CELF2: variants seen among roughly 807,000 people sequenced by gnomAD.
The protein encoded by CELF2 is CUGBP Elav-like family member 2.
A neutral mutation model predicts 62.6 loss-of-function variants in CELF2; 8 were observed. The observed-to-expected ratio is 0.13, with a 90% confidence interval of 0.07 to 0.23. The LOEUF (loss-of-function observed/expected upper bound fraction) is 0.23, where lower values mean the gene tolerates loss of function less well. Ranked by LOEUF, CELF2 falls within the 10% of genes least tolerant of loss-of-function variation. CELF2 has a pLI of 1.00. For missense variants in CELF2, 333 were observed against 671.0 expected, an observed-to-expected ratio of 0.50 and a Z score of 5.56; for synonymous variants, 258 against 250.0, an observed-to-expected ratio of 1.03 and a Z score of -0.30.
chr10:11,165,835 C>G lies in CELF2; in HGVS notation c.271+153C>G, dbSNP rs1259622501. Among the ~76,000 whole-genome samples, 1 of 152,156 alleles carries G rather than the reference C, an allele frequency of 6.6e-6. No homozygotes were observed. Among genetic ancestry groups the G allele is most frequent in the Non-Finnish European group, 1.5e-5 (1 of 68,018 alleles). Reference sequence around the variant, plus strand: ...CGGCCCCTGTGCTCCAGGGGCTGCTCCCGACTCCTCCCCGCACCCCCGCCC... The same window carrying G: ...CGGCCCCTGTGCTCCAGGGGCTGCTGCCGACTCCTCCCCGCACCCCCGCCC... On this transcript the variant is annotated intron_variant, in intron 2 of 12. Transcript: ENST00000633077. This position sits in a 1 kb window ranked among gnomAD's most constrained non-coding sequence, Gnocchi z 7.4.
At chr10:11,089,860 C>T (rs1228856081) in intron 1 of CELF2, among the ~76,000 whole-genome samples, 1 of 152,140 alleles carries the variant, frequency 6.6e-6, no homozygotes, top group Non-Finnish European at 1.5e-5. Context: ...AGCATGAAAT[C>T]ATATCCTTTG....
the CELF2 span, among the ~76,000 whole-genome samples, chr10:10,541,714 G>A: frequency 2.0e-5 from 3 of 152,200 alleles, no homozygotes; most frequent in Admixed American, 6.5e-5. Flanking sequence ...AGGATGACCA[G>A]AGGTCACTTT....
chr10:10,497,058 GCACATGC>G, the CELF2 span, among the ~76,000 whole-genome samples: 1 of 152,056 alleles, frequency 6.6e-6, no homozygotes, highest in African/African-American at 2.4e-5. Context: ...GGGCAAGGTG[GCACATGC>G]CTATAATCCC....
the CELF2 span, among the ~76,000 whole-genome samples, chr10:10,534,214 T>TAAAAAAA: frequency 1.5e-5 from 2 of 134,290 alleles, no homozygotes; most frequent in Admixed American, 7.5e-5. Context: ...GAGGAGTTGT[T>TAAAAAAA]AAAAAAAAAA....
intron 1 of CELF2, among the ~76,000 whole-genome samples, chr10:11,129,805 T>G (rs2059338352): frequency 6.6e-6 from 1 of 152,222 alleles, no homozygotes; most frequent in African/African-American, 2.4e-5. Flanking sequence ...CCAATTTTGT[T>G]GATCTTTTCA....
chr10:11,142,973 C>T (rs574787613), intron 1 of CELF2, among the ~76,000 whole-genome samples: 1 of 145,944 alleles, frequency 6.9e-6, no homozygotes, highest in Admixed American at 6.8e-5. Context: ...GGGGAACTCA[C>T]TCCCCTCGTG....
At chr10:11,304,820 T>C (rs1444006859) in intron 9 of CELF2, among the ~76,000 whole-genome samples, 1 of 152,174 alleles carries the variant, frequency 6.6e-6, no homozygotes, top group Non-Finnish European at 1.5e-5. Context: ...CAATTTTCTC[T>C]TTGCCATGTA....
intron 1 of CELF2, among the ~76,000 whole-genome samples, chr10:11,059,009 C>A (rs1426833000): frequency 1.3e-5 from 2 of 152,158 alleles, no homozygotes; most frequent in Non-Finnish European, 2.9e-5. Flanking sequence ...TCTCAAACTC[C>A]TGGGCTCAAG....
the CELF2 span, among the ~76,000 whole-genome samples, chr10:10,780,482 TG>T: frequency 2.6e-5 from 4 of 152,062 alleles, no homozygotes; most frequent in South Asian, 4.1e-4. Flanking sequence ...TTTGTTTGTT[TG>T]TTTGTTTGTT....
chr10:11,089,975 G>T (rs960434929), intron 1 of CELF2, among the ~76,000 whole-genome samples: 13 of 152,124 alleles, frequency 8.5e-5, no homozygotes, highest in African/African-American at 3.1e-4. Context: ...TGAACACTGG[G>T]TACTCATGGA....
At chr10:10,963,885 C>T (rs1436588732) in intron 2 of CELF2, among the ~76,000 whole-genome samples, 1 of 152,068 alleles carries the variant, frequency 6.6e-6, no homozygotes, top group Non-Finnish European at 1.5e-5. Context: ...CATCTATGTC[C>T]TCAATGGAGA....
intron 2 of CELF2, among the ~76,000 whole-genome samples, chr10:10,944,727 G>C (rs969681883): frequency 4.0e-5 from 6 of 151,832 alleles, no homozygotes; most frequent in Non-Finnish European, 8.8e-5. Context: ...TCAGCCTCCC[G>C]AGTAGCTGGG....
At chr10:10,835,457 A>G (rs1050622320) in intron 1 of CELF2, among the ~76,000 whole-genome samples, 1 of 150,744 alleles carries the variant, frequency 6.6e-6, no homozygotes, top group Non-Finnish European at 1.5e-5. Context: ...ATCTCGGCTC[A>G]CTGCAACCTC....
chr10:10,587,231 C>T, the CELF2 span, among the ~76,000 whole-genome samples: 24 of 152,280 alleles, frequency 1.6e-4, no homozygotes, highest in Non-Finnish European at 2.6e-4. Context: ...ATTGTGTAGC[C>T]CGCATGGGGA....
chr10:10,972,538 T>C lies in CELF2; in HGVS notation c.89+52539T>C, dbSNP rs2050861109. Among the ~76,000 whole-genome samples the C allele has an allele frequency of 6.6e-6, 1 of 152,148 alleles. No homozygotes were observed. Among genetic ancestry groups the C allele is most frequent in the Admixed American group, 6.5e-5 (1 of 15,276 alleles). On this transcript the variant is annotated intron_variant, in intron 2 of 13. Transcript: ENST00000636488. The surrounding 1 kb of genome is among the most constrained non-coding windows in gnomAD (Gnocchi z 4.4). ...TCAGCTTTCTGCTTTGACCCACTGC[T>C]CTTCTTTCTATATATTTACTCCCTG...
intron 1 of CELF2, among the ~76,000 whole-genome samples, chr10:11,009,320 T>TGTGTGTGTGTGTGTGTGCGC (rs1341600937): frequency 2.3e-5 from 3 of 132,882 alleles, no homozygotes; most frequent in Non-Finnish European, 4.5e-5. Flanking sequence ...ATGGAAGTTG[T>TGTGTGTGTGTGTGTGTGCGC]GTGTGTGTGT....
chr10:11,322,385 T>C (rs1356132929), intron 11 of CELF2, among the ~76,000 whole-genome samples: 1 of 152,254 alleles, frequency 6.6e-6, no homozygotes, highest in Non-Finnish European at 1.5e-5. Flanking sequence ...AAGCTAATTA[T>C]GAAATGGTTC....
intron 1 of CELF2, among the ~76,000 whole-genome samples, chr10:10,907,399 T>C (rs771919815): frequency 5.3e-5 from 8 of 152,202 alleles, no homozygotes; most frequent in Non-Finnish European, 1.2e-4. Flanking sequence ...CTTCACCTTT[T>C]AAAAAAAGTT....
intron 1 of CELF2, among the ~76,000 whole-genome samples, chr10:11,163,579 A>G (rs1020550558): frequency 6.6e-6 from 1 of 152,246 alleles, no homozygotes; most frequent in African/African-American, 2.4e-5. Flanking sequence ...CATTACACCA[A>G]AATTGTTGAG....
Sources: gnomAD v4.1 joint callset for allele counts (sites outside exome capture counted in the v4.1 genomes callset) on GRCh38, gnomAD v4.1.1 for gene constraint, Gnocchi (gnomAD v3.1) non-coding constraint, MANE v1.5 for transcripts, NCBI Gene and HGNC (gene_info 2026-07-23, HGNC 2026-07-21) for gene names.